SIPA1L2: variants seen among roughly 807,000 people sequenced by gnomAD.
SIPA1L2 encodes signal induced proliferation associated 1 like 2, also known as signal-induced proliferation-associated 1-like protein 2.
A neutral mutation model predicts 163.9 loss-of-function variants in SIPA1L2; 56 were observed. The observed-to-expected ratio is 0.34, with a 90% CI of 0.28 to 0.43. SIPA1L2 has a LOEUF of 0.43. Ranked by LOEUF, SIPA1L2 falls within the 20% of genes least tolerant of loss-of-function variation. The pLI is 1.00. For missense variants in SIPA1L2, 1,974 were observed against 2,193.5 expected (o/e 0.90, Z 2.00); for synonymous variants, 877 against 865.7 (o/e 1.01, Z -0.23).
chr1:232,604,620 G>A (rs1482440321), intron 1 of SIPA1L2, among the ~76,000 whole-genome samples: 1 of 152,184 alleles, frequency 6.6e-6, no homozygotes, highest in African/African-American at 2.4e-5. Flanking sequence ...GAGACAGAGT[G>A]ATGTGGCTTG....
chr1:232,438,160 C>T (rs1662676440), intron 15 of SIPA1L2, among the ~76,000 whole-genome samples: 1 of 152,132 alleles, frequency 6.6e-6, no homozygotes, highest in African/African-American at 2.4e-5. Flanking sequence ...CATAAAAAGC[C>T]TTTCACCGTG....
chr1:232,541,208 T>C (rs1657639127), intron 2 of SIPA1L2, among the ~76,000 whole-genome samples: 1 of 151,772 alleles, frequency 6.6e-6, no homozygotes, highest in African/African-American at 2.4e-5. Context: ...TTTACCTATG[T>C]AACACACCTG....
intron 2 of SIPA1L2, among the ~76,000 whole-genome samples, chr1:232,567,480 G>T (rs551495860): frequency 3.9e-5 from 6 of 151,938 alleles, no homozygotes; most frequent in Admixed American, 3.3e-4. Flanking sequence ...TAACCTAATG[G>T]TAAGAACAGA....
At chr1:232,521,441 T>C (rs1224718935) in intron 2 of SIPA1L2, among the ~76,000 whole-genome samples, 2 of 152,234 alleles carry the variant, frequency 1.3e-5, no homozygotes, top group Non-Finnish European at 2.9e-5. Flanking sequence ...TCCTTTATAC[T>C]GATTTGTACT....
At chr1:232,421,928 T>C (rs574769654) in intron 18 of SIPA1L2, among the ~76,000 whole-genome samples, 1 of 152,350 alleles carries the variant, frequency 6.6e-6, no homozygotes, top group East Asian at 1.9e-4. Context: ...TTTCAGAGTT[T>C]TGATCTCCGT....
intron 19 of SIPA1L2, among the ~76,000 whole-genome samples, chr1:232,405,526 C>G (rs962353517): frequency 6.6e-6 from 1 of 152,208 alleles, no homozygotes; most frequent in Non-Finnish European, 1.5e-5. Flanking sequence ...GGGGCAGAAT[C>G]CTGGCTGGGC....
chr1:232,475,396 C>A (rs1010381224), intron 7 of SIPA1L2, among the ~76,000 whole-genome samples: 1 of 152,154 alleles, frequency 6.6e-6, no homozygotes, highest in African/African-American at 2.4e-5. Flanking sequence ...CATACATATG[C>A]ATGTACATAA....
intron 3 of SIPA1L2, among the ~76,000 whole-genome samples, chr1:232,495,504 G>A (rs905975416): frequency 9.4e-5 from 14 of 149,630 alleles, no homozygotes; most frequent in Non-Finnish European, 1.5e-4. Context: ...GGTGGAGCTT[G>A]CATCGAGCCG....
intron 9 of SIPA1L2, among the ~76,000 whole-genome samples, chr1:232,462,587 G>C (rs1264727853): frequency 1.3e-5 from 2 of 152,198 alleles, no homozygotes; most frequent in African/African-American, 2.4e-5. Flanking sequence ...TGATGTTTTA[G>C]AATATTGACG....
chr1:232,564,277 TGTGTA>T (rs2102756388), intron 2 of SIPA1L2, among the ~76,000 whole-genome samples: 2 of 106,620 alleles, frequency 1.9e-5, no homozygotes, highest in East Asian at 5.8e-4. Flanking sequence ...TGTGTGTGTG[TGTGTA>T]TGATGGAGTT....
At chr1:232,480,025 G>C (rs1263798626) in intron 6 of SIPA1L2, among the ~76,000 whole-genome samples, 2 of 152,062 alleles carry the variant, frequency 1.3e-5, no homozygotes, top group Non-Finnish European at 2.9e-5. Context: ...TCCACTGAAA[G>C]CGAAGTGTTT....
intron 1 of SIPA1L2, among the ~76,000 whole-genome samples, chr1:232,624,137 C>A (rs1315813796): frequency 6.6e-6 from 1 of 151,894 alleles, no homozygotes; most frequent in Non-Finnish European, 1.5e-5. Flanking sequence ...TACATGTATA[C>A]GCATACATAC....
intron 7 of SIPA1L2, among the ~76,000 whole-genome samples, chr1:232,472,918 C>T (rs1194950554): frequency 1.3e-5 from 2 of 152,186 alleles, no homozygotes; most frequent in African/African-American, 4.8e-5. Flanking sequence ...GAGTTTTCTA[C>T]AGGCCAGTTA....
chr1:232,570,147 ATT>A (rs1183234000), intron 2 of SIPA1L2, among the ~76,000 whole-genome samples: 5 of 152,232 alleles, frequency 3.3e-5, no homozygotes, highest in African/African-American at 1.2e-4. Flanking sequence ...GGAAAATTCT[ATT>A]CATCTTTGTA....
chr1:232,449,517 C>CAA (rs33934850), intron 10 of SIPA1L2, among the ~76,000 whole-genome samples: 6 of 80,014 alleles, frequency 7.5e-5, no homozygotes, highest in South Asian at 3.8e-4. Flanking sequence ...GACTCCGTCT[C>CAA]AAAAAAAAAA....
At chr1:232,622,020 G>T (rs1662835993) in intron 1 of SIPA1L2, among the ~76,000 whole-genome samples, 1 of 152,166 alleles carries the variant, frequency 6.6e-6, no homozygotes, top group African/African-American at 2.4e-5. Flanking sequence ...GAGCCACTAT[G>T]CCCAAATTAA....
In SIPA1L2 at chr1:232,432,438, G is replaced by A; in HGVS notation, c.4065C>T (p.His1355=). Residue 1355 remains histidine, a synonymous_variant, in exon 16 of 23, where the codon CAC becomes CAT. Coordinates refer to ENST00000674635, the MANE Select transcript of SIPA1L2 (RefSeq NM_020808.5). ...GSHHSGSPSA[H]CSKSSGSLDS... ...CCAGAGACCCACTACTTTTTGAACA[G>A]TGAGCTGAAGGGCTTCCTGAATGGT... 1 of 1,614,262 alleles carries A rather than the reference G, an allele frequency of 6.2e-7. No individual in the cohort carries two copies. Among genetic ancestry groups the A allele is most frequent in the Non-Finnish European group, 8.5e-7 (1 of 1,180,040 alleles).
intron 3 of SIPA1L2, among the ~76,000 whole-genome samples, chr1:232,498,932 TA>T (rs1199284707): frequency 6.6e-6 from 1 of 152,168 alleles, no homozygotes; most frequent in Non-Finnish European, 1.5e-5. Flanking sequence ...CTTCCAAATA[TA>T]CTTAATCCAC....
chr1:232,491,838 A>G (rs1665947355), intron 4 of SIPA1L2, among the ~76,000 whole-genome samples: 1 of 152,172 alleles, frequency 6.6e-6, no homozygotes, highest in African/African-American at 2.4e-5. Context: ...AATGTTCCAT[A>G]ACACTGGACA....
Sources: allele counts gnomAD v4.1 joint callset (sites outside exome capture counted in the v4.1 genomes callset), GRCh38; gene constraint gnomAD v4.1.1; transcripts MANE v1.5; gene names NCBI Gene and HGNC (gene_info 2026-07-23, HGNC 2026-07-21).